The following GRIK2 variants were observed in gnomAD, a reference collection of about 807,000 sequenced individuals.
GRIK2 encodes the protein glutamate ionotropic receptor kainate type subunit 2.
In GRIK2, 32 loss-of-function variants were observed where a neutral mutation model predicts 100.3. The observed-to-expected ratio is 0.32, with a 90% CI of 0.24 to 0.43. The LOEUF (loss-of-function observed/expected upper bound fraction) is 0.43, where lower values mean the gene tolerates loss of function less well. GRIK2 is among the 20% of genes least tolerant of loss of function. The pLI is 1.00. For missense variants in GRIK2, 843 were observed against 1,114.9 expected (o/e 0.76, Z 3.47); for synonymous variants, 417 against 389.4 (o/e 1.07, Z -0.83).
At chr6:101,661,048 T>C (rs1769573994) in intron 4 of GRIK2, among the ~76,000 whole-genome samples, 6 of 152,134 alleles carry the variant, frequency 3.9e-5, no homozygotes, top group Admixed American at 2.6e-4. Context: ...CAGGCAGGAA[T>C]GTTTAAGTCT....
At chr6:101,836,566 A>G (rs1028408315) in intron 10 of GRIK2, among the ~76,000 whole-genome samples, 23 of 149,606 alleles carry the variant, frequency 1.5e-4, no homozygotes, top group African/African-American at 5.1e-4. Flanking sequence ...GGTTATTAGC[A>G]GAAGCTACAT....
At chr6:101,427,066 C>T (rs1769061986) in intron 2 of GRIK2, among the ~76,000 whole-genome samples, 1 of 152,138 alleles carries the variant, frequency 6.6e-6, no homozygotes, top group Non-Finnish European at 1.5e-5. Context: ...TTGTGAGAGG[C>T]CCCATGAGAG....
chr6:101,420,583 T>G (rs1330383419), intron 2 of GRIK2, among the ~76,000 whole-genome samples: 1 of 152,088 alleles, frequency 6.6e-6, no homozygotes, highest in Admixed American at 6.6e-5. Context: ...AAACTAGGGG[T>G]GGGCTCAGCA....
intron 4 of GRIK2, among the ~76,000 whole-genome samples, chr6:101,629,558 C>G (rs926712971): frequency 6.6e-6 from 1 of 151,952 alleles, no homozygotes; most frequent in Non-Finnish European, 1.5e-5. Context: ...TGTAACAGAC[C>G]AATTGTTGCC....
intron 2 of GRIK2, among the ~76,000 whole-genome samples, chr6:101,583,593 C>T (rs2128303854): frequency 6.6e-6 from 1 of 152,150 alleles, no homozygotes; most frequent in African/African-American, 2.4e-5. Flanking sequence ...TACATGTTTT[C>T]TAAGGCCCTA....
chr6:101,642,305 T>G (rs545033596), intron 4 of GRIK2, among the ~76,000 whole-genome samples: 1 of 151,942 alleles, frequency 6.6e-6, no homozygotes, highest in South Asian at 2.1e-4. Flanking sequence ...TTCAGTAGTG[T>G]TAAAAATATT....
intron 2 of GRIK2, among the ~76,000 whole-genome samples, chr6:101,497,630 A>T (rs1219032999): frequency 6.6e-6 from 1 of 152,108 alleles, no homozygotes; most frequent in Non-Finnish European, 1.5e-5. Context: ...TTTTGTTTAT[A>T]TACCTAACAT....
intron 15 of GRIK2, among the ~76,000 whole-genome samples, chr6:102,037,734 G>T (rs1392343888): frequency 1.3e-5 from 2 of 151,176 alleles, no homozygotes; most frequent in Non-Finnish European, 3.0e-5. Context: ...CGCCAGTAAG[G>T]CTTTGGTTTA....
At chr6:101,832,911 G>A (rs534693014) in intron 10 of GRIK2, among the ~76,000 whole-genome samples, 2 of 152,090 alleles carry the variant, frequency 1.3e-5, no homozygotes, top group East Asian at 1.9e-4. Flanking sequence ...ACTTTCCGAT[G>A]AAATTCTCAT....
intron 14 of GRIK2, among the ~76,000 whole-genome samples, chr6:101,989,392 T>A (rs554511813): frequency 6.6e-6 from 1 of 151,794 alleles, no homozygotes; most frequent in South Asian, 2.1e-4. Flanking sequence ...TAAGTTAGAG[T>A]CTTTGAGTAT....
chr6:101,462,020 G>C (rs561204243), intron 2 of GRIK2, among the ~76,000 whole-genome samples: 2 of 152,034 alleles, frequency 1.3e-5, no homozygotes, highest in Non-Finnish European at 2.9e-5. Context: ...ACCTAGTTTC[G>C]TATACTTTAA....
chr6:101,498,297 T>G (rs1417854814), intron 2 of GRIK2, among the ~76,000 whole-genome samples: 1 of 152,000 alleles, frequency 6.6e-6, no homozygotes, highest in Non-Finnish European at 1.5e-5. Flanking sequence ...TTCCAAGTCT[T>G]TGCTCTTGTG....
intron 2 of GRIK2, among the ~76,000 whole-genome samples, chr6:101,592,932 G>A (rs1418244887): frequency 6.6e-6 from 1 of 151,768 alleles, no homozygotes; most frequent in African/African-American, 2.4e-5. Flanking sequence ...TGTCAAATGA[G>A]CCACATTAAT....
At position 102,032,139 on chromosome 6, in the gene GRIK2, A is replaced by G. The variant is rs550430385; in HGVS notation, c.2086-3202A>G. Among the ~76,000 whole-genome samples, 13 of 151,374 alleles carry G rather than the reference A, an allele frequency of 8.6e-5. 1 individual carries two copies. In the South Asian group the frequency reaches 2.7e-3, roughly 31 times the overall value. On this transcript the variant is annotated intron_variant, in intron 14 of 16. Transcript: ENST00000369134. ...TATCTTCGTCACAGAAAGTAGTTTT[A>G]CAACTTGGAAGAAGGGACCCTCTGT...
At chr6:101,755,691 A>G (rs1213023623) in intron 7 of GRIK2, among the ~76,000 whole-genome samples, 2 of 152,324 alleles carry the variant, frequency 1.3e-5, no homozygotes, top group Admixed American at 6.5e-5. Context: ...TTAAAAGTGT[A>G]TCTACTAAGT....
At chr6:101,945,440 A>C (rs370803961) in intron 14 of GRIK2, among the ~76,000 whole-genome samples, 1 of 152,158 alleles carries the variant, frequency 6.6e-6, no homozygotes, top group African/African-American at 2.4e-5. Context: ...AATGCCATCA[A>C]TGCTGTTGCT....
chr6:101,922,076 T>TTTCCTTCCTTCCTACCTTTCTCCATTTCC (rs1562488661), intron 12 of GRIK2, among the ~76,000 whole-genome samples: 33 of 110,320 alleles, frequency 3.0e-4, no homozygotes, highest in Admixed American at 2.1e-3. Context: ...CCTTTCTCCA[T>TTTCCTTCCTTCCTACCTTTCTCCATTTCC]TTCCTTCCTT....
chr6:101,645,075 G>A (rs1233267670), intron 4 of GRIK2, among the ~76,000 whole-genome samples: 1 of 150,518 alleles, frequency 6.6e-6, no homozygotes, highest in East Asian at 2.0e-4. Flanking sequence ...TAGCCCCTGA[G>A]ACATGTAAAC....
At chr6:101,926,465 A>G (rs1291601330) in intron 13 of GRIK2, among the ~76,000 whole-genome samples, 1 of 152,140 alleles carries the variant, frequency 6.6e-6, no homozygotes, top group Non-Finnish European at 1.5e-5. Context: ...TTGACAAAGA[A>G]AACATTCTTT....
Sources: allele counts gnomAD v4.1 joint callset (sites outside exome capture counted in the v4.1 genomes callset), GRCh38; gene constraint gnomAD v4.1.1; transcripts MANE v1.5; gene names NCBI Gene and HGNC (gene_info 2026-07-23, HGNC 2026-07-21).